SCP2: variants seen among roughly 807,000 people sequenced by gnomAD.
The protein encoded by SCP2 is SCP-2/3-oxoacyl-CoA thiolase.
A neutral mutation model predicts 71.4 loss-of-function variants in SCP2; 48 were observed. The observed-to-expected ratio is 0.67, with a 90% confidence interval of 0.53 to 0.86. The LOEUF (loss-of-function observed/expected upper bound fraction) is 0.86. Ranked by LOEUF, SCP2 falls within the 40% of genes least tolerant of loss-of-function variation. SCP2 has a pLI of 0.00. For missense variants in SCP2, 560 were observed against 655.6 expected (o/e 0.85, Z 1.59); for synonymous variants, 220 against 218.1 (o/e 1.01, Z -0.08).
chr1:52,946,607 A>T (rs1361174274), intron 2 of SCP2, among the ~76,000 whole-genome samples: 1 of 152,128 alleles, frequency 6.6e-6, no homozygotes, highest in Non-Finnish European at 1.5e-5. Context: ...TTATTATAAG[A>T]CATTTGTTTT....
At chr1:53,042,162 G>A (rs895242101) in intron 14 of SCP2, among the ~76,000 whole-genome samples, 1 of 151,316 alleles carries the variant, frequency 6.6e-6, no homozygotes, top group Non-Finnish European at 1.5e-5. Context: ...CCATAGCTTT[G>A]CATTCTATGA....
intron 11 of SCP2, among the ~76,000 whole-genome samples, chr1:53,002,223 AT>A (rs1438575220): frequency 3.9e-5 from 6 of 152,182 alleles, no homozygotes; most frequent in East Asian, 3.9e-4. Context: ...AAAGAAAAAA[AT>A]ATCTTCCCTA....
intron 11 of SCP2, among the ~76,000 whole-genome samples, chr1:52,989,714 T>C (rs1156941190): frequency 6.6e-6 from 1 of 151,982 alleles, no homozygotes; most frequent in African/African-American, 2.4e-5. Flanking sequence ...TCGAGAAAAA[T>C]CAGCCACAAC....
intron 13 of SCP2, among the ~76,000 whole-genome samples, chr1:53,032,156 C>A (rs772463708): frequency 6.6e-6 from 1 of 152,198 alleles, no homozygotes; most frequent in African/African-American, 2.4e-5. Flanking sequence ...GTGCCAGATA[C>A]AGCTCTGCTG....
At chr1:52,982,614 C>T (rs865943565) in intron 10 of SCP2, among the ~76,000 whole-genome samples, 1 of 151,932 alleles carries the variant, frequency 6.6e-6, no homozygotes, top group Non-Finnish European at 1.5e-5. Flanking sequence ...AGAACCACTG[C>T]GATAAGAATT....
intron 11 of SCP2, among the ~76,000 whole-genome samples, chr1:53,008,682 G>A (rs1198677684): frequency 6.6e-6 from 1 of 152,082 alleles, no homozygotes; most frequent in African/African-American, 2.4e-5. Flanking sequence ...CATACTGAAT[G>A]GGCCAAAACT....
At position 53,036,286 on chromosome 1, in the gene SCP2, A is replaced by G. The variant is rs192325018; in HGVS notation, c.1339-2631A>G. Among the ~76,000 whole-genome samples the G allele has an allele frequency of 1.7e-3, 248 of 149,296 alleles. 2 individuals are homozygous for G. The highest frequency in any genetic ancestry group is 0.01 in the Admixed American group (154 of 14,956). Reference sequence around the variant, plus strand: ...TTTATATATAACATATATATACTATATTTTATTTAATCAATACCCTGTTAA... The same window carrying G: ...TTTATATATAACATATATATACTATGTTTTATTTAATCAATACCCTGTTAA... On this transcript the variant is annotated intron_variant, in intron 13 of 15. Coordinates refer to ENST00000371514, the MANE Select transcript of SCP2 (RefSeq NM_002979.5).
At chr1:52,990,671 C>T (rs4350149) in intron 11 of SCP2, among the ~76,000 whole-genome samples, 145,038 of 147,452 alleles carry the variant, frequency 0.98, 71,396 homozygotes, top group Middle Eastern at 1. Context: ...GAGGCGGAGC[C>T]TGCAGTGAGC....
intron 14 of SCP2, among the ~76,000 whole-genome samples, chr1:53,041,628 G>A (rs1020931437): frequency 6.6e-6 from 1 of 152,148 alleles, no homozygotes; most frequent in South Asian, 2.1e-4. Context: ...CTGTCTAAGT[G>A]AGCGGAGAGG....
At chr1:53,046,330 CT>C (rs749725244) in intron 14 of SCP2, among the ~76,000 whole-genome samples, 2,046 of 120,778 alleles carry the variant, frequency 0.017, 16 homozygotes, top group African/African-American at 0.043. Flanking sequence ...TGGGTATTGT[CT>C]TTTTTTTTTT....
At chr1:53,039,665 C>T (rs1460141118) in intron 14 of SCP2, among the ~76,000 whole-genome samples, 1 of 152,214 alleles carries the variant, frequency 6.6e-6, no homozygotes, top group Admixed American at 6.5e-5. Flanking sequence ...ACTGACTGTT[C>T]CTCCTTGGCC....
intron 11 of SCP2, chr1:52,994,234 C>A: frequency 2.0e-6 from 2 of 1,011,466 alleles, no homozygotes; most frequent in Non-Finnish European, 2.4e-6. Flanking sequence ...GTCACTGAAG[C>A]CTTTAAGAGT....
At chr1:53,040,589 C>T (rs763033992) in intron 14 of SCP2, among the ~76,000 whole-genome samples, 12 of 152,042 alleles carry the variant, frequency 7.9e-5, no homozygotes, top group Non-Finnish European at 1.2e-4. Context: ...GGCGTAGTGG[C>T]GGGCACGTGT....
At chr1:53,034,995 C>T (rs1662819659) in intron 13 of SCP2, among the ~76,000 whole-genome samples, 2 of 151,868 alleles carry the variant, frequency 1.3e-5, no homozygotes, top group Non-Finnish European at 2.9e-5. Flanking sequence ...GTCCCAGCTA[C>T]TTGGGAGGCT....
chr1:52,950,198 T>C lies in SCP2; in HGVS notation c.200-557T>C, dbSNP rs186386953. On this transcript the variant is annotated intron_variant, in intron 3 of 15. Coordinates refer to ENST00000371514, the MANE Select transcript of SCP2 (RefSeq NM_002979.5). Reference sequence around the variant, plus strand: ...GTGCAGTGGTGCGATCTAGGCTCACTGCAACCTCTGCCTACTGGTTCAAGT... The same window carrying C: ...GTGCAGTGGTGCGATCTAGGCTCACCGCAACCTCTGCCTACTGGTTCAAGT... Among the ~76,000 whole-genome samples the C allele has an allele frequency of 2.8e-3, 421 of 152,300 alleles. 4 individuals are homozygous for C. The highest frequency in any genetic ancestry group is 9.8e-3 in the African/African-American group (406 of 41,562).
chr1:52,965,054 T>C (rs928112775), intron 6 of SCP2, among the ~76,000 whole-genome samples: 1 of 152,088 alleles, frequency 6.6e-6, no homozygotes, highest in African/African-American at 2.4e-5. Flanking sequence ...ACAAAATTAA[T>C]TTAAAAAAGT....
intron 12 of SCP2, among the ~76,000 whole-genome samples, chr1:53,027,023 C>T (rs907759111): frequency 6.6e-6 from 1 of 151,322 alleles, no homozygotes; most frequent in African/African-American, 2.4e-5. Context: ...ACTGCAGCCT[C>T]TATCTCCCAG....
intron 14 of SCP2, among the ~76,000 whole-genome samples, chr1:53,040,057 C>T (rs1268746560): frequency 6.6e-6 from 1 of 152,198 alleles, no homozygotes; most frequent in Non-Finnish European, 1.5e-5. Flanking sequence ...TTATACTCCA[C>T]AGTTTAACCC....
At chr1:52,980,680 C>T in intron 10 of SCP2, 137 bp downstream of exon 10, 1 of 892,948 alleles carries the variant, frequency 1.1e-6, no homozygotes, top group South Asian at 1.4e-5. Flanking sequence ...TGAATGTAAG[C>T]TGTTTTGGTA....
Sources: allele counts gnomAD v4.1 joint callset (sites outside exome capture counted in the v4.1 genomes callset), GRCh38; gene constraint gnomAD v4.1.1; transcripts MANE v1.5; gene names NCBI Gene and HGNC (gene_info 2026-07-23, HGNC 2026-07-21).